Variants in GTF3C2 observed in about 807,000 individuals in gnomAD.
GTF3C2 encodes the protein general transcription factor IIIC subunit 2, also known as general transcription factor 3C polypeptide 2.
In GTF3C2, 17 loss-of-function variants were observed where a neutral mutation model predicts 117.4. The observed-to-expected ratio is 0.14, with a 90% CI of 0.10 to 0.22. The LOEUF (loss-of-function observed/expected upper bound fraction) is 0.22, where lower values mean the gene tolerates loss of function less well. Ranked by LOEUF, GTF3C2 falls within the 10% of genes least tolerant of loss-of-function variation. The pLI is 1.00. For missense variants in GTF3C2, 888 were observed against 1,143.6 expected (o/e 0.78, Z 3.22); for synonymous variants, 437 against 427.0 (o/e 1.02, Z -0.29).
exon 8 of GTF3C2, chr2:27,336,389 A>G: frequency 6.2e-7 from 1 of 1,611,670 alleles, no homozygotes. Context: ...AGAAGGACAC[A>G]TCCCAGCGCT....
chr2:27,327,977 C>T, intron 17 of GTF3C2, 60 bp downstream of exon 17: 1 of 1,454,122 alleles, frequency 6.9e-7, no homozygotes. Context: ...GCGTACTATA[C>T]AAAGACTAAA....
chr2:27,336,076 A>G, intron 8 of GTF3C2, 48 bp from the exon 9 acceptor site: 2 of 1,430,314 alleles, frequency 1.4e-6, no homozygotes, highest in African/African-American at 1.4e-5. Context: ...GAAGGGACGC[A>G]GGGCTGCCAG....
Position 27,336,038 on chromosome 2 carries a change from G to T in GTF3C2, c.1356-10C>A. The T allele has an allele frequency of 6.4e-7, 1 of 1,574,086 alleles. No individual in the cohort carries two copies. The highest frequency in any genetic ancestry group is 8.7e-7 in the Non-Finnish European group (1 of 1,143,452). ...GGCCCTGTTGCCAGGACTGGAGAGAGAGAGCATGTGGGGATGGTGGGTAGG... is the reference window on the plus strand; with the variant it reads ...GGCCCTGTTGCCAGGACTGGAGAGATAGAGCATGTGGGGATGGTGGGTAGG... On this transcript the variant is annotated splice_polypyrimidine_tract_variant and intron_variant, in intron 8 of 18. Coordinates refer to ENST00000264720, the Ensembl canonical transcript of GTF3C2.
At chr2:27,327,476 C>T (rs570782149) in intron 17 of GTF3C2, among the ~76,000 whole-genome samples, 192 bp from the exon 18 acceptor site, 7 of 152,144 alleles carry the variant, frequency 4.6e-5, no homozygotes, top group African/African-American at 9.6e-5. Flanking sequence ...AGGCGCCCGC[C>T]GTCACGCCCG....
At chr2:27,352,913 A>T (rs748220462) in intron 1 of GTF3C2, among the ~76,000 whole-genome samples, 1 of 152,198 alleles carries the variant, frequency 6.6e-6, no homozygotes, top group Non-Finnish European at 1.5e-5. Context: ...GAGCAGTAAA[A>T]TTCCACAGTT....
intron 4 of GTF3C2, among the ~76,000 whole-genome samples, chr2:27,339,409 CAAAAAAAAAA>C (rs761860478): frequency 8.5e-5 from 4 of 46,820 alleles, no homozygotes; most frequent in Admixed American, 2.2e-4. Flanking sequence ...AACTCCGTCT[CAAAAAAAAAA>C]AAAAAAAAGA....
chr2:27,343,066 C>A (rs1382950176), exon 3 of GTF3C2: 1 of 1,613,676 alleles, frequency 6.2e-7, no homozygotes, highest in Non-Finnish European at 8.5e-7. Flanking sequence ...CCTTTTGGGG[C>A]CTTTTCGTGT....
At chr2:27,344,562 C>T (rs1680852716) in intron 1 of GTF3C2, among the ~76,000 whole-genome samples, 1 of 152,116 alleles carries the variant, frequency 6.6e-6, no homozygotes, top group African/African-American at 2.4e-5. Flanking sequence ...GAAAGGGACA[C>T]CAACTTCCTC....
At chr2:27,337,996 T>C (rs772833375) in exon 5 of GTF3C2, 8 of 1,610,762 alleles carry the variant, frequency 5.0e-6, no homozygotes, top group Non-Finnish European at 6.8e-6. Flanking sequence ...TTGGGAGCCA[T>C]TCCTCGGCAG....
intron 5 of GTF3C2, 38 bp from the exon 6 acceptor site, chr2:27,337,596 T>G: frequency 7.5e-7 from 1 of 1,339,918 alleles, no homozygotes; most frequent in Non-Finnish European, 1.1e-6. Context: ...AGGAGAGGGA[T>G]TCTACAGCCG....
chr2:27,348,451 CA>C (rs1204871982), intron 1 of GTF3C2, among the ~76,000 whole-genome samples: 1 of 151,588 alleles, frequency 6.6e-6, no homozygotes, highest in African/African-American at 2.4e-5. Context: ...AAAAAACAAA[CA>C]AAAAAACCGA....
chr2:27,344,142 A>T (rs1402142782), intron 1 of GTF3C2, among the ~76,000 whole-genome samples: 3 of 151,656 alleles, frequency 2.0e-5, no homozygotes, highest in African/African-American at 7.3e-5. Context: ...CTCCTGCCTC[A>T]GCCTCCTGAG....
exon 3 of GTF3C2, chr2:27,343,111 C>T (rs771370270): frequency 1.3e-6 from 2 of 1,598,304 alleles, no homozygotes; most frequent in Non-Finnish European, 1.7e-6. Flanking sequence ...CTTTGAGGCC[C>T]TAGGCTTTGA....
rs1479882794 is a variant in GTF3C2, at chr2:27,327,137, G to A, written c.2517+40C>T. ...TCATCAGCCCCAGGCCCAGAACTGGGGGGAAATGAGAGTGGAGGGTGGAGA... is the reference window on the plus strand; with the variant it reads ...TCATCAGCCCCAGGCCCAGAACTGGAGGGAAATGAGAGTGGAGGGTGGAGA... On this transcript the variant is annotated intron_variant, in intron 18 of 18. Transcript: ENST00000264720. 2.2e-5 allele frequency: 24 copies of A among 1,108,900 alleles called. No individual in the cohort carries two copies. In the East Asian group the frequency reaches 5.7e-4, roughly 26 times the overall value. The allele number at this position is 1,108,900 out of a possible 1,614,324, so 68.7% of individuals were successfully genotyped here.
chr2:27,331,330 C>T (rs1333981310), intron 12 of GTF3C2, among the ~76,000 whole-genome samples: 4 of 152,130 alleles, frequency 2.6e-5, no homozygotes, highest in Non-Finnish European at 4.4e-5. Context: ...AAAAACAACA[C>T]TGTCATTTTG....
At chr2:27,327,924 C>A in intron 17 of GTF3C2, 113 bp downstream of exon 17, 1 of 832,790 alleles carries the variant, frequency 1.2e-6, no homozygotes, top group Non-Finnish European at 1.9e-6. Context: ...CTGCACCTGG[C>A]CGAGGCTCCT....
chr2:27,355,654 C>G (rs957725448), intron 1 of GTF3C2, among the ~76,000 whole-genome samples: 1 of 152,196 alleles, frequency 6.6e-6, no homozygotes, highest in African/African-American at 2.4e-5. Flanking sequence ...GCACCCCAAT[C>G]TGTCTGGTTC....
chr2:27,342,683 C>A, intron 3 of GTF3C2, 143 bp downstream of exon 3: 1 of 645,328 alleles, frequency 1.5e-6, no homozygotes, highest in Non-Finnish European at 2.8e-6. Flanking sequence ...GCGGTAAGAG[C>A]CTAAAGGACT....
At position 27,343,163 on chromosome 2, in the gene GTF3C2, T is replaced by C. The variant is rs776458026; in HGVS notation, c.248-16A>G. Reference sequence around the variant, plus strand: ...GAAGAAAGATCTGTGGAGAAGAATATGGGTCTGTGAGATGGGACCAGAACT... The same window carrying C: ...GAAGAAAGATCTGTGGAGAAGAATACGGGTCTGTGAGATGGGACCAGAACT... On this transcript the variant is annotated splice_polypyrimidine_tract_variant and intron_variant, in intron 2 of 18. Transcript: ENST00000264720. 69 of 1,547,516 alleles carry C rather than the reference T, an allele frequency of 4.5e-5. No homozygotes were observed. The highest frequency in any genetic ancestry group is 1.7e-4 in the Middle Eastern group (1 of 5,752).
Sources: gnomAD v4.1 joint callset for allele counts (sites outside exome capture counted in the v4.1 genomes callset) on GRCh38, gnomAD v4.1.1 for gene constraint, MANE v1.5 for transcripts, NCBI Gene and HGNC (gene_info 2026-07-23, HGNC 2026-07-21) for gene names.